KLHL1: variants seen among roughly 807,000 people sequenced by gnomAD.
The protein encoded by KLHL1 is kelch-like protein 1.
In KLHL1, 47 loss-of-function variants were observed where a neutral mutation model predicts 77.7. The observed-to-expected ratio is 0.60, with a 90% CI of 0.48 to 0.77. The LOEUF is 0.77. Among genes scored for constraint, KLHL1 ranks in the 30% least tolerant of loss-of-function variants. The pLI is 0.00. For synonymous variants in KLHL1, 360 were observed against 325.2 expected, an observed-to-expected ratio of 1.11 and a Z score of -1.15; for missense variants, 925 against 910.8, an observed-to-expected ratio of 1.02 and a Z score of -0.20.
At chr13:69,969,113 T>A (rs188827078) in intron 2 of KLHL1, among the ~76,000 whole-genome samples, 1 of 152,238 alleles carries the variant, frequency 6.6e-6, no homozygotes, top group Non-Finnish European at 1.5e-5. Flanking sequence ...ATCTTACATA[T>A]AAGGTAAGTG....
intron 10 of KLHL1, among the ~76,000 whole-genome samples, chr13:69,704,010 T>C (rs1365140069): frequency 6.6e-6 from 1 of 151,652 alleles, no homozygotes; most frequent in Non-Finnish European, 1.5e-5. Flanking sequence ...TTATATTGGG[T>C]AATTGTATTT....
At chr13:69,911,671 C>T (rs1566392642) in intron 4 of KLHL1, among the ~76,000 whole-genome samples, 1 of 151,854 alleles carries the variant, frequency 6.6e-6, no homozygotes, top group South Asian at 2.1e-4. Context: ...ACTAAGGACT[C>T]ATTTATGTTG....
chr13:69,929,315 T>C lies in KLHL1; in HGVS notation c.1014+10725A>G, dbSNP rs185649944. On this transcript the variant is annotated intron_variant, in intron 4 of 10. Transcript: ENST00000377844. ...ATTCTGTGTTTTATCTCATTTTATA[T>C]TCAAAGTAGGTATTGAAATCTCAAA... 4.0e-3 allele frequency among the ~76,000 whole-genome samples: 615 copies of C among 152,122 alleles called. 2 individuals carry two copies. The highest frequency in any genetic ancestry group is 0.014 in the African/African-American group (591 of 41,542).
At chr13:70,087,446 C>T (rs1399664121) in intron 1 of KLHL1, among the ~76,000 whole-genome samples, 2 of 151,396 alleles carry the variant, frequency 1.3e-5, no homozygotes, top group East Asian at 1.9e-4. Flanking sequence ...AACTATAATA[C>T]GAACAATGCC....
chr13:69,797,209 CT>C (rs1877148933), intron 6 of KLHL1, among the ~76,000 whole-genome samples: 1 of 152,150 alleles, frequency 6.6e-6, no homozygotes, highest in Non-Finnish European at 1.5e-5. Context: ...TCATGCTAAA[CT>C]ATTGATTCTA....
intron 1 of KLHL1, among the ~76,000 whole-genome samples, chr13:69,986,693 T>C (rs547496108): frequency 2.6e-5 from 4 of 152,144 alleles, no homozygotes; most frequent in Middle Eastern, 3.4e-3. Context: ...CAAATATGTA[T>C]ATTCAGAAAA....
At chr13:69,809,668 A>G (rs1877778482) in intron 6 of KLHL1, among the ~76,000 whole-genome samples, 1 of 152,282 alleles carries the variant, frequency 6.6e-6, no homozygotes, top group Non-Finnish European at 1.5e-5. Context: ...AGCTAACAAC[A>G]TGACAGGGAT....
chr13:70,084,458 C>CTTTTTTTTTTTTTT (rs1386556599), intron 1 of KLHL1, among the ~76,000 whole-genome samples: 4 of 62,774 alleles, frequency 6.4e-5, no homozygotes, highest in African/African-American at 2.8e-4. Context: ...TCTATTTCTT[C>CTTTTTTTTTTTTTT]TTCTTCTTTT....
In KLHL1 at chr13:69,975,630, G is replaced by C; in HGVS notation, c.670C>G (p.Pro224Ala). 6.2e-7 allele frequency: 1 copy of C among 1,613,084 alleles called. No individual in the cohort carries two copies. The highest frequency in any genetic ancestry group is 1.1e-5 in the South Asian group (1 of 90,996). ...VILIVGNRKIPAHRLVLSSVS... is the reference protein window; with the variant it reads ...VILIVGNRKIAAHRLVLSSVS... ...GGCAGACTACTGTACCTATGTGCAG[G>C]TATCTTTCGGTTCCCAACAATCAGG... Residue 224 changes from proline (P) to alanine (A), a missense_variant, in exon 2 of 11, where the codon CCT (proline) becomes GCT (alanine). Pro to Ala is a conservative substitution (Grantham distance 27). Coordinates refer to ENST00000377844, the MANE Select transcript of KLHL1 (RefSeq NM_020866.3).
chr13:70,092,939 T>C (rs1035924531), intron 1 of KLHL1, among the ~76,000 whole-genome samples: 2 of 152,168 alleles, frequency 1.3e-5, no homozygotes, highest in South Asian at 4.1e-4. Flanking sequence ...TAATTTTTAA[T>C]GTAGAATAAT....
chr13:69,826,837 C>T lies in KLHL1; in HGVS notation c.1414+12139G>A, dbSNP rs181694814. On this transcript the variant is annotated intron_variant, in intron 6 of 10. Transcript: ENST00000377844. The stretch of plus-strand genomic sequence containing the variant: ...GGCTGTGAAATTTAAATTTTATAAA[C>T]GAGTGTTTAGGATACTTATAGTAAG... Among the ~76,000 whole-genome samples the T allele has an allele frequency of 1.1e-4, 16 of 150,652 alleles. No individual in the cohort carries two copies. The East Asian group carries it at 1.4e-3, about 13-fold the overall frequency.
intron 8 of KLHL1, among the ~76,000 whole-genome samples, chr13:69,728,053 A>G (rs1208047630): frequency 6.6e-6 from 1 of 152,162 alleles, no homozygotes; most frequent in Non-Finnish European, 1.5e-5. Flanking sequence ...CTTAAAAATC[A>G]TCTCTTTCAG....
At chr13:69,818,855 G>A (rs986694819) in intron 6 of KLHL1, among the ~76,000 whole-genome samples, 7 of 152,074 alleles carry the variant, frequency 4.6e-5, no homozygotes, top group Non-Finnish European at 8.8e-5. Context: ...ATCAAGTAGG[G>A]CAGTACTCAA....
chr13:69,887,916 A>AT (rs1049171902), intron 4 of KLHL1, among the ~76,000 whole-genome samples: 5 of 152,072 alleles, frequency 3.3e-5, no homozygotes, highest in Admixed American at 6.6e-5. Context: ...CCTCTTCCAC[A>AT]TTTTTTGGGA....
chr13:69,862,186 C>T (rs1354608651), intron 5 of KLHL1, among the ~76,000 whole-genome samples: 1 of 151,610 alleles, frequency 6.6e-6, no homozygotes, highest in Non-Finnish European at 1.5e-5. Flanking sequence ...AAGCAAATTA[C>T]ACATATATTA....
At chr13:69,999,497 C>G in intron 1 of KLHL1, among the ~76,000 whole-genome samples, 1 of 152,122 alleles carries the variant, frequency 6.6e-6, no homozygotes, top group East Asian at 1.9e-4. Context: ...GACCTAATTT[C>G]AAGTATAAAC....
chr13:69,747,859 C>A (rs2137942336), intron 7 of KLHL1, among the ~76,000 whole-genome samples: 1 of 151,804 alleles, frequency 6.6e-6, no homozygotes, highest in Middle Eastern at 3.4e-3. Context: ...TGTAATCTAG[C>A]TTTCATAGAA....
intron 7 of KLHL1, among the ~76,000 whole-genome samples, chr13:69,778,402 A>G (rs1008807509): frequency 8.6e-5 from 13 of 151,928 alleles, no homozygotes; most frequent in Non-Finnish European, 1.5e-4. Context: ...AAGGTATGCT[A>G]TAGGCTTTCA....
rs1045408941 is a variant in KLHL1, at chr13:69,909,543, T to A, written c.1015-27048A>T. 2.6e-5 allele frequency among the ~76,000 whole-genome samples: 4 copies of A among 151,942 alleles called. No individual in the cohort carries two copies. In the South Asian group the frequency reaches 6.2e-4, roughly 24 times the overall value. On this transcript the variant is annotated intron_variant, in intron 4 of 10. Coordinates refer to ENST00000377844, the MANE Select transcript of KLHL1 (RefSeq NM_020866.3). The stretch of plus-strand genomic sequence containing the variant: ...TTTTTCTTTTGGGGATAATTTTTTT[T>A]TAAAAAAATCAAAAGTCCAGATATT...
Sources: gnomAD v4.1 joint callset for allele counts (sites outside exome capture counted in the v4.1 genomes callset) on GRCh38, gnomAD v4.1.1 for gene constraint, MANE v1.5 for transcripts, NCBI Gene and HGNC (gene_info 2026-07-23, HGNC 2026-07-21) for gene names.